Variants in SCN11A observed in about 807,000 individuals in gnomAD.
SCN11A encodes sodium channel protein type 11 subunit alpha.
A neutral mutation model predicts 162.2 loss-of-function variants in SCN11A; 122 were observed. The observed-to-expected ratio is 0.75, with a 90% confidence interval of 0.65 to 0.87. The LOEUF (loss-of-function observed/expected upper bound fraction) is 0.87, where lower values mean the gene tolerates loss of function less well. SCN11A is among the 40% of genes least tolerant of loss of function. The pLI is 0.00. For missense variants in SCN11A, 2,015 were observed against 2,181.6 expected, an observed-to-expected ratio of 0.92 and a Z score of 1.52; for synonymous variants, 758 against 751.5, an observed-to-expected ratio of 1.01 and a Z score of -0.14.
intron 19 of SCN11A, among the ~76,000 whole-genome samples, chr3:38,893,743 A>C (rs1575256795): frequency 6.6e-6 from 1 of 152,140 alleles, no homozygotes; most frequent in African/African-American, 2.4e-5. Context: ...ATTAAACAAC[A>C]CATTTTTAAA....
chr3:39,033,183 A>G (rs984155667), intron 1 of SCN11A, among the ~76,000 whole-genome samples: 2 of 151,868 alleles, frequency 1.3e-5, no homozygotes, highest in African/African-American at 4.8e-5. Flanking sequence ...GAGAGAGAAA[A>G]CTTAATTAAC....
intron 22 of SCN11A, among the ~76,000 whole-genome samples, chr3:38,881,713 G>T (rs1175775794): frequency 2.1e-5 from 3 of 143,732 alleles, no homozygotes; most frequent in Non-Finnish European, 4.7e-5. Flanking sequence ...CACATATAGT[G>T]GCAAACAACT....
intron 2 of SCN11A, among the ~76,000 whole-genome samples, chr3:39,030,544 G>A (rs192626590): frequency 1.3e-5 from 2 of 152,304 alleles, no homozygotes; most frequent in African/African-American, 4.8e-5. Flanking sequence ...AATCTTAACA[G>A]TAACTGAAGT....
Position 38,920,144 on chromosome 3 carries a change from G to T in SCN11A, c.893-143C>A, listed in dbSNP as rs185548136. 9.1e-5 allele frequency: 58 copies of T among 640,662 alleles called. 2 individuals carry two copies. The East Asian group carries it at 1.5e-3, about 17-fold the overall frequency. 39.7% of individuals were successfully genotyped at this position (640,662 alleles called of 1,614,324 possible). The stretch of plus-strand genomic sequence containing the variant: ...AAGGAGGTGTGTCCAGAGAGAAACT[G>T]GAGCCCAAGACCTCTGGAAGGAGTA... On this transcript the variant is annotated intron_variant, in intron 10 of 29. Transcript: ENST00000302328.
intron 7 of SCN11A, among the ~76,000 whole-genome samples, chr3:38,930,604 G>A (rs2066225610): frequency 1.3e-5 from 2 of 152,198 alleles, no homozygotes; most frequent in Admixed American, 6.5e-5. Context: ...ACAGCAGACT[G>A]TCGCTGCTGT....
At chr3:38,908,956 C>T (rs1188219752) in intron 13 of SCN11A, 41 bp downstream of exon 13, 2 of 1,583,236 alleles carry the variant, frequency 1.3e-6, no homozygotes, top group East Asian at 2.2e-5. Context: ...ACCCCTTCCC[C>T]TCCCCAGAGC....
chr3:39,000,421 T>C (rs1191616870), intron 2 of SCN11A, among the ~76,000 whole-genome samples: 2 of 152,192 alleles, frequency 1.3e-5, no homozygotes, highest in East Asian at 1.9e-4. Context: ...GTTCTTTACA[T>C]TGTTGACCTA....
chr3:38,959,891 G>C (rs1039073029), intron 3 of SCN11A, among the ~76,000 whole-genome samples: 1 of 152,198 alleles, frequency 6.6e-6, no homozygotes, highest in Non-Finnish European at 1.5e-5. Flanking sequence ...GTCAATTTCT[G>C]ATTAAATAAA....
chr3:39,037,712 G>C (rs1486093928), intron 1 of SCN11A, among the ~76,000 whole-genome samples: 1 of 152,150 alleles, frequency 6.6e-6, no homozygotes, highest in Non-Finnish European at 1.5e-5. Context: ...TCAGAGACTA[G>C]AGTATACTTG....
chr3:38,921,363 G>T, intron 9 of SCN11A, 108 bp from the exon 10 acceptor site: 1 of 990,730 alleles, frequency 1.0e-6, no homozygotes, highest in Non-Finnish European at 1.5e-6. Flanking sequence ...ATTGCAGGCT[G>T]GAACTGGACT....
At chr3:38,876,836 C>A (rs1352498482) in intron 23 of SCN11A, among the ~76,000 whole-genome samples, 6 of 151,858 alleles carry the variant, frequency 4.0e-5, no homozygotes, top group Non-Finnish European at 7.4e-5. Flanking sequence ...TTTGATCCAG[C>A]AATCCCACTA....
chr3:38,920,447 C>T (rs1051158293), intron 10 of SCN11A, among the ~76,000 whole-genome samples: 2 of 152,126 alleles, frequency 1.3e-5, no homozygotes, highest in Non-Finnish European at 2.9e-5. Context: ...AATCCCAGCA[C>T]TTTGGGAGGC....
chr3:38,941,143 G>A (rs2066437035), intron 7 of SCN11A, among the ~76,000 whole-genome samples: 1 of 152,180 alleles, frequency 6.6e-6, no homozygotes, highest in South Asian at 2.1e-4. Context: ...ATTTAAGGTG[G>A]CCGAGGGTGG....
At chr3:38,908,291 CAT>C (rs988681731) in intron 13 of SCN11A, among the ~76,000 whole-genome samples, 169 bp from the exon 14 acceptor site, 1 of 152,194 alleles carries the variant, frequency 6.6e-6, no homozygotes, top group African/African-American at 2.4e-5. Context: ...TCTGGGGAAA[CAT>C]GTCCTGTTTT....
intron 2 of SCN11A, among the ~76,000 whole-genome samples, chr3:38,969,727 C>A (rs908520592): frequency 2.0e-5 from 3 of 152,216 alleles, no homozygotes; most frequent in African/African-American, 4.8e-5. Flanking sequence ...AACGAATTCA[C>A]AATGTGCATA....
At chr3:39,012,097 G>A (rs538661987) in intron 2 of SCN11A, among the ~76,000 whole-genome samples, 4 of 152,134 alleles carry the variant, frequency 2.6e-5, no homozygotes, top group Non-Finnish European at 4.4e-5. Context: ...AGGCCAAGGC[G>A]GGCAGATCAC....
chr3:38,895,986 A>G (rs906433732), intron 18 of SCN11A, among the ~76,000 whole-genome samples: 2 of 152,198 alleles, frequency 1.3e-5, no homozygotes, highest in Non-Finnish European at 2.9e-5. Flanking sequence ...TTGTGCAGTA[A>G]GGCAATGAAG....
At chr3:38,932,172 C>T (rs567261932) in intron 7 of SCN11A, among the ~76,000 whole-genome samples, 1 of 151,578 alleles carries the variant, frequency 6.6e-6, no homozygotes, top group South Asian at 2.1e-4. Context: ...CAAAGCTGTA[C>T]CCCTAAGCAT....
chr3:38,988,415 C>G (rs1277588363), intron 2 of SCN11A, among the ~76,000 whole-genome samples: 1 of 152,140 alleles, frequency 6.6e-6, no homozygotes, highest in Non-Finnish European at 1.5e-5. Context: ...TCTGGGCTCC[C>G]CCATCCCTCC....
Sources: allele counts gnomAD v4.1 joint callset (sites outside exome capture counted in the v4.1 genomes callset), GRCh38; gene constraint gnomAD v4.1.1; transcripts MANE v1.5; gene names NCBI Gene and HGNC (gene_info 2026-07-23, HGNC 2026-07-21).